Variants in DNAH5 observed in about 807,000 individuals in gnomAD.
DNAH5 encodes dynein axonemal heavy chain 5, also known as axonemal beta dynein heavy chain 5.
A neutral mutation model predicts 518.2 loss-of-function variants in DNAH5; 372 were observed. That is an observed-to-expected ratio of 0.72 (90% confidence interval 0.66 to 0.78). The LOEUF is 0.78. Among genes scored for constraint, DNAH5 ranks in the 30% least tolerant of loss-of-function variants. The pLI is 0.00. For missense variants in DNAH5, 5,523 were observed against 5,687.0 expected, an observed-to-expected ratio of 0.97 and a Z score of 0.93; for synonymous variants, 2,039 against 2,025.9, an observed-to-expected ratio of 1.01 and a Z score of -0.17.
intron 1 of DNAH5, among the ~76,000 whole-genome samples, chr5:14,008,391 G>A (rs943424022): frequency 2.7e-5 from 4 of 147,374 alleles, no homozygotes; most frequent in Admixed American, 2.0e-4. Flanking sequence ...GGGAGGCCGA[G>A]GCGGGTGGGT....
chr5:13,952,717 C>T (rs925630387), intron 1 of DNAH5, among the ~76,000 whole-genome samples: 1 of 152,214 alleles, frequency 6.6e-6, no homozygotes, highest in Non-Finnish European at 1.5e-5. Flanking sequence ...ACTCCACTAT[C>T]AAGAAAACAA....
At chr5:13,847,618 A>T (rs1401139024) in intron 31 of DNAH5, among the ~76,000 whole-genome samples, 1 of 151,640 alleles carries the variant, frequency 6.6e-6, no homozygotes, top group African/African-American at 2.4e-5. Flanking sequence ...CAGCTACTCA[A>T]GAGGCTAAGG....
At chr5:13,916,304 G>T in intron 9 of DNAH5, 44 bp downstream of exon 9, 3 of 1,116,182 alleles carry the variant, frequency 2.7e-6, no homozygotes, top group Non-Finnish European at 2.7e-6. Flanking sequence ...TTGATCACTG[G>T]CAAAGAAATA....
chr5:13,885,064 G>C lies in DNAH5; in HGVS notation c.2908C>G (p.Leu970Val). ...AGTGTATTCCTTGTAACTTTCAGAA[G>C]AGCATCCATGTTCTGATGGTTGAAA... ...SHFNHQNMDA[L>V]LKVTRNTLEA... is the part of the protein sequence containing the mutation. The change falls in exon 19 of 79, where the codon CTT becomes GTT. Residue 970 changes from leucine to valine, a missense_variant. Physicochemically the swap from Leu to Val is conservative, Grantham distance 32. Coordinates refer to ENST00000265104, the MANE Select transcript of DNAH5 (RefSeq NM_001369.3). The C allele has an allele frequency of 6.2e-7, 1 of 1,614,178 alleles. No homozygotes were observed. Among genetic ancestry groups the C allele is most frequent in the African/African-American group, 1.3e-5 (1 of 75,062 alleles).
chr5:13,784,935 T>C (rs901522441), intron 52 of DNAH5, among the ~76,000 whole-genome samples: 1 of 152,168 alleles, frequency 6.6e-6, no homozygotes, highest in East Asian at 1.9e-4. Context: ...CCTAACCTTT[T>C]TGGCACCAGG....
chr5:13,803,618 C>G (rs904839170), intron 47 of DNAH5, among the ~76,000 whole-genome samples: 1 of 152,188 alleles, frequency 6.6e-6, no homozygotes, highest in African/African-American at 2.4e-5. Flanking sequence ...AACCGTAAAA[C>G]CTGACATTTT....
At position 13,751,220 on chromosome 5, in the gene DNAH5, A is replaced by G; in HGVS notation, c.11069T>C (p.Phe3690Ser). The G allele has an allele frequency of 6.2e-7, 1 of 1,613,858 alleles. No homozygotes were observed. Among genetic ancestry groups the G allele is most frequent in the Non-Finnish European group, 8.5e-7 (1 of 1,179,872 alleles). Reference sequence around the variant, plus strand: ...CAATTTGGTGGTAATGTAGAGTCTAAAGCCATCCAACACATCTACTTCCTT... The same window carrying G: ...CAATTTGGTGGTAATGTAGAGTCTAGAGCCATCCAACACATCTACTTCCTT... ...GDKEVDVLDGFRLYITTKLPN... is the reference protein window; with the variant it reads ...GDKEVDVLDGSRLYITTKLPN... The change falls in exon 65 of 79, where the codon TTT becomes TCT. Residue 3690 changes from phenylalanine to serine, a missense_variant. Around this residue, in one of 3 missense-constraint regions of DNAH5, gnomAD observed 5,121 missense variants for 5,223.3 expected, o/e 0.98. Transcript: ENST00000265104.
In DNAH5 at chr5:13,817,036, T is replaced by C. The variant is rs182411512; in HGVS notation, c.6988+512A>G. On this transcript the variant is annotated intron_variant, in intron 42 of 78. Coordinates refer to ENST00000265104, the MANE Select transcript of DNAH5 (RefSeq NM_001369.3). ...TTCAGACTGAACCGCTAGCCCTTAA[T>C]GAGTTTGTTTAAACAACTGAACACC... Among the ~76,000 whole-genome samples, 158 of 152,342 alleles carry C rather than the reference T, an allele frequency of 1.0e-3. 1 individual carries two copies. Among genetic ancestry groups the C allele is most frequent in the Non-Finnish European group, 1.8e-3 (121 of 68,020 alleles).
Position 13,903,293 on chromosome 5 carries a change from C to T in DNAH5, c.1645-1155G>A, listed in dbSNP as rs573036733. Among the ~76,000 whole-genome samples, 23 of 151,624 alleles carry T rather than the reference C, an allele frequency of 1.5e-4. No individual in the cohort carries two copies. The East Asian group carries it at 3.1e-3, about 20-fold the overall frequency. On this transcript the variant is annotated intron_variant, in intron 12 of 78. Coordinates refer to ENST00000265104, the MANE Select transcript of DNAH5 (RefSeq NM_001369.3). ...TCAAATAAAATCACCCAAAGTATAG[C>T]AGAGAAATAAAGAAATGGAAAAATA...
intron 28 of DNAH5, among the ~76,000 whole-genome samples, chr5:13,863,925 A>G (rs1768842235): frequency 6.6e-6 from 1 of 151,918 alleles, no homozygotes; most frequent in South Asian, 2.1e-4. Flanking sequence ...CCTCAAACAC[A>G]CTTCAGATGC....
rs772425564 is a variant in DNAH5, at chr5:13,751,099, C to T, written c.11190G>A (p.Arg3730=). ...TCACCTGCTTCTCTGTGAGAATGACCCTCCCCAGTAACTGATCTTCTAGAC... is the reference window on the plus strand; with the variant it reads ...TCACCTGCTTCTCTGTGAGAATGACTCTCCCCAGTAACTGATCTTCTAGAC... The part of the protein sequence containing the change: ...MKGLEDQLLG[R]VILTEKQELE... The change falls in exon 65 of 79, where the codon AGG becomes AGA. Residue 3730 remains arginine, a synonymous_variant. Transcript: ENST00000265104. 2.3e-5 allele frequency: 37 copies of T among 1,613,786 alleles called. No homozygotes were observed. The highest frequency in any genetic ancestry group is 1.3e-4 in the African/African-American group (10 of 74,968).
intron 1 of DNAH5, among the ~76,000 whole-genome samples, chr5:13,952,361 CA>C (rs1360710055): frequency 1.3e-5 from 2 of 152,128 alleles, no homozygotes; most frequent in Non-Finnish European, 2.9e-5. Flanking sequence ...GCAATTTCTG[CA>C]AAGAAAGTTC....
At chr5:13,934,529 AAT>A (rs987385639) in intron 1 of DNAH5, among the ~76,000 whole-genome samples, 9 of 152,230 alleles carry the variant, frequency 5.9e-5, no homozygotes, top group African/African-American at 1.9e-4. Context: ...GGAAAAGAGA[AAT>A]ATAAAAATGC....
chr5:13,698,555 T>C (rs960361303), intron 78 of DNAH5, among the ~76,000 whole-genome samples: 3 of 152,234 alleles, frequency 2.0e-5, no homozygotes, highest in African/African-American at 7.2e-5. Context: ...TTGATTACCA[T>C]TGCACTGAAG....
rs1580265503 is a variant in DNAH5, at chr5:13,792,019, G to A, written c.8423C>T (p.Thr2808Ile). The change falls in exon 50 of 79, where the codon ACT (threonine) becomes ATT (isoleucine). Residue 2808 changes from threonine to isoleucine, a missense_variant. Thr to Ile is a moderately conservative substitution (Grantham distance 89). Coordinates refer to ENST00000265104, the MANE Select transcript of DNAH5 (RefSeq NM_001369.3). ...ATTTGGTTCCTTGATGACCTCTGAAGTAGTGTTCAGCATTCCCTGCCAGAC... is the reference window on the plus strand; with the variant it reads ...ATTTGGTTCCTTGATGACCTCTGAAATAGTGTTCAGCATTCCCTGCCAGAC... ...SRVWQGMLNT[T>I]SEVIKEPNDL... 3.7e-6 allele frequency: 6 copies of A among 1,613,936 alleles called. No individual in the cohort carries two copies. In the East Asian group the frequency reaches 1.3e-4, roughly 36 times the overall value.
chr5:13,737,848 G>T (rs1255469705), intron 65 of DNAH5, among the ~76,000 whole-genome samples: 1 of 152,004 alleles, frequency 6.6e-6, no homozygotes, highest in East Asian at 1.9e-4. Context: ...GATCATTTGA[G>T]GTCAGGAGTT....
At chr5:13,930,084 T>G (rs928981664) in intron 2 of DNAH5, among the ~76,000 whole-genome samples, 19 of 152,148 alleles carry the variant, frequency 1.2e-4, no homozygotes, top group African/African-American at 3.9e-4. Context: ...GAGAAGCACA[T>G]TTCCTCAGCT....
intron 1 of DNAH5, among the ~76,000 whole-genome samples, chr5:13,943,455 C>T (rs550869250): frequency 6.6e-6 from 1 of 152,344 alleles, no homozygotes. Flanking sequence ...GGACGCTTCT[C>T]AGAGGAGGTA....
At chr5:13,751,358 A>T (rs1750201414) in intron 64 of DNAH5, 98 bp from the exon 65 acceptor site, 12 of 1,163,928 alleles carry the variant, frequency 1.0e-5, no homozygotes, top group African/African-American at 1.5e-5. Context: ...TAATTACATA[A>T]TTGGAGATCA....
Sources: allele counts gnomAD v4.1 joint callset (sites outside exome capture counted in the v4.1 genomes callset), GRCh38; gene constraint gnomAD v4.1.1; regional missense constraint gnomAD v4.1.1; transcripts MANE v1.5; gene names NCBI Gene and HGNC (gene_info 2026-07-23, HGNC 2026-07-21).